Variants in RNF6 observed in about 807,000 individuals in gnomAD.
RNF6 encodes the protein ring finger protein 6, also known as E3 ubiquitin-protein ligase RNF6.
Under a neutral mutation model 50.1 loss-of-function variants are expected in RNF6, and 21 were observed. That is an observed-to-expected ratio of 0.42 (90% CI 0.30 to 0.60). RNF6 has a LOEUF of 0.60. Among genes scored for constraint, RNF6 ranks in the 20% least tolerant of loss-of-function variants. The probability of loss-of-function intolerance (pLI) is 0.20; values close to 1 mark genes in which losing one functional copy is unlikely to be tolerated. For missense variants in RNF6, 698 were observed against 838.2 expected (o/e 0.83, Z 2.07); for synonymous variants, 255 against 291.8 (o/e 0.87, Z 1.29).
intron 5 of RNF6, among the ~76,000 whole-genome samples, chr13:26,160,989 C>CA (rs1410505086): frequency 6.6e-6 from 1 of 152,054 alleles, no homozygotes; most frequent in African/African-American, 2.4e-5. Flanking sequence ...ACCCTATCTC[C>CA]AAAAACAGCC....
At chr13:26,222,705 GAGCGATCGTAGCTCACTGCAGCCTCC>G (rs1870637300), upstream of RNF6, 1 of 152,262 alleles carries the variant, frequency 6.6e-6, no homozygotes, top group South Asian at 2.1e-4. Flanking sequence ...GCCCAGGCTA[GAGCGATCGTAGCTCACTGCAGCCTCC>G]AGCGATCCTC....
intron 5 of RNF6, among the ~76,000 whole-genome samples, chr13:26,169,550 C>A (rs183839881): frequency 2.8e-4 from 42 of 152,224 alleles, no homozygotes; most frequent in Admixed American, 2.5e-3. Context: ...AACTTGTAAT[C>A]GTACATTTTT....
intron 5 of RNF6, among the ~76,000 whole-genome samples, chr13:26,191,162 T>A (rs1254794145): frequency 6.6e-6 from 1 of 151,202 alleles, no homozygotes; most frequent in Non-Finnish European, 1.5e-5. Context: ...TTTAATCGAT[T>A]GTTCAATACA....
Position 26,158,341 on chromosome 13 carries a change from A to G in RNF6, n.769-25890T>C, listed in dbSNP as rs185602349. On this transcript the variant is annotated intron_variant and non_coding_transcript_variant, in intron 5 of 5. Coordinates refer to the RNF6 transcript ENST00000468480. ...GATCAACTATGAGCAGCACGTGTGT[A>G]TATATGTGTATGCTGGACGATTGAA... Among the ~76,000 whole-genome samples the G allele has an allele frequency of 2.2e-3, 341 of 152,300 alleles. 5 individuals are homozygous for G. The South Asian group carries it at 0.023, about 10-fold the overall frequency.
intron 2 of RNF6, 140 bp from the exon 3 acceptor site, chr13:26,219,807 A>G: frequency 1.5e-6 from 1 of 671,478 alleles, no homozygotes; most frequent in Non-Finnish European, 2.5e-6. Flanking sequence ...TTGCAGTGAG[A>G]AGCTTACATA....
chr13:26,163,276 C>T (rs1400091910), intron 5 of RNF6, among the ~76,000 whole-genome samples: 1 of 151,522 alleles, frequency 6.6e-6, no homozygotes, highest in African/African-American at 2.4e-5. Context: ...CGCGCCATTG[C>T]ACTCCAGCCT....
intron 5 of RNF6, among the ~76,000 whole-genome samples, chr13:26,147,220 T>C (rs1871297253): frequency 6.6e-6 from 1 of 152,206 alleles, no homozygotes; most frequent in African/African-American, 2.4e-5. Flanking sequence ...GTATTTCTTT[T>C]GAAGTGTAGT....
chr13:26,221,117 T>G (rs1467035892), intron 2 of RNF6, 131 bp downstream of exon 2: 1 of 152,208 alleles, frequency 6.6e-6, no homozygotes, highest in Non-Finnish European at 1.5e-5. Context: ...TAATAGGATT[T>G]TTGTAATAAA....
chr13:26,153,332 G>C (rs1871733012), intron 5 of RNF6, among the ~76,000 whole-genome samples: 1 of 151,760 alleles, frequency 6.6e-6, no homozygotes, highest in African/African-American at 2.4e-5. Flanking sequence ...TCCTGCCTCA[G>C]CCTCCAGAGT....
chr13:26,201,827 A>G (rs978825842), intron 5 of RNF6, among the ~76,000 whole-genome samples: 1 of 152,216 alleles, frequency 6.6e-6, no homozygotes, highest in Non-Finnish European at 1.5e-5. Context: ...GAGGCCCATT[A>G]CATGCCATTA....
rs746455852 is a variant in RNF6 at position 26,214,558 on chromosome 13, G to A, written c.1324C>T (p.Arg442Cys). The A allele has an allele frequency of 3.1e-6, 5 of 1,613,994 alleles. No homozygotes were observed. Among genetic ancestry groups the A allele is most frequent in the South Asian group, 1.1e-5 (1 of 91,078 alleles). Residue 442 changes from arginine to cysteine, a missense_variant, in exon 5 of 5, where the codon CGC (arginine) becomes TGC (cysteine). Physicochemically the swap from Arg to Cys is radical, Grantham distance 180 (BLOSUM62 -3). Transcript: ENST00000381588. ...CGCTCTAAACGAGAAATGGTTCGGC[G>A]AAAGCCCCCACTATTGCTTTCAATA... ...VTIESNSGGF[R>C]RTISRLERSG...
In RNF6 at chr13:26,164,949, T is replaced by G. The variant is rs756263809; in HGVS notation, n.769-32498A>C. ...AGAAATTCAAGCCAGCTGCAGAAAT[T>G]TGCATAAGTGACAATGAGCCGAATG... On this transcript the variant is annotated intron_variant and non_coding_transcript_variant, in intron 5 of 5. Transcript: ENST00000468480. 3.0e-4 allele frequency among the ~76,000 whole-genome samples: 45 copies of G among 152,092 alleles called. 1 individual carries two copies. The highest frequency in any genetic ancestry group is 2.2e-3 in the Admixed American group (34 of 15,266).
chr13:26,192,303 G>C (rs1868493791), intron 5 of RNF6, among the ~76,000 whole-genome samples: 1 of 152,208 alleles, frequency 6.6e-6, no homozygotes, highest in Non-Finnish European at 1.5e-5. Context: ...AGTGGTAGTA[G>C]TGATGGTGGT....
intron 5 of RNF6, among the ~76,000 whole-genome samples, chr13:26,179,880 C>T (rs1209967081): frequency 6.6e-6 from 1 of 152,200 alleles, no homozygotes; most frequent in East Asian, 1.9e-4. Flanking sequence ...AGCAGGACAT[C>T]CAGGCTGGCC....
rs972810753 is a variant in RNF6 at position 26,213,840 on chromosome 13, A to G, written c.2042T>C (p.Ile681Thr). The stretch of plus-strand genomic sequence containing the variant: ...CCCATCACCTTACCCATTGTTTGCT[A>G]TGTTAGACCCTAAAACAGGCTGCCG... ...ICRQPVLGSN[I>T]ANNG is the part of the protein sequence containing the mutation. The change falls in exon 5 of 5, where the codon ATA (isoleucine) becomes ACA (threonine). Residue 681 changes from isoleucine to threonine, a missense_variant. By Grantham distance (89) the Ile-to-Thr change is moderately conservative. Transcript: ENST00000381588. 1.2e-6 allele frequency: 2 copies of G among 1,610,326 alleles called. No homozygotes were observed. The highest frequency in any genetic ancestry group is 1.7e-6 in the Non-Finnish European group (2 of 1,177,608).
At chr13:26,219,939 A>C (rs1365004276) in intron 2 of RNF6, among the ~76,000 whole-genome samples, 1 of 152,166 alleles carries the variant, frequency 6.6e-6, no homozygotes, top group Non-Finnish European at 1.5e-5. Flanking sequence ...TACCATAGTG[A>C]TTATCTCATT....
Position 26,214,533 on chromosome 13 carries a change from C to A in RNF6, c.1349G>T (p.Arg450Leu). 6.2e-7 allele frequency: 1 copy of A among 1,614,100 alleles called. No homozygotes were observed. The highest frequency in any genetic ancestry group is 8.5e-7 in the Non-Finnish European group (1 of 1,180,024). The change falls in exon 5 of 5, where the codon CGG becomes CTG. Residue 450 changes from arginine (R) to leucine (L), a missense_variant. Coordinates refer to ENST00000381588, the MANE Select transcript of RNF6 (RefSeq NM_005977.4). ...ACTAACATAGGTTCGAATACCTGAC[C>A]GCTCTAAACGAGAAATGGTTCGGCG... The part of the protein sequence containing the change: ...GFRRTISRLE[R>L]SGIRTYVSTI...
intron 5 of RNF6, among the ~76,000 whole-genome samples, chr13:26,188,790 C>T (rs930612235): frequency 1.3e-5 from 2 of 151,608 alleles, no homozygotes; most frequent in Admixed American, 6.6e-5. Flanking sequence ...CCACCATGCC[C>T]GGTTAATTTT....
intron 5 of RNF6, among the ~76,000 whole-genome samples, chr13:26,151,661 C>T (rs142404418): frequency 6.9e-6 from 1 of 144,324 alleles, no homozygotes; most frequent in East Asian, 2.0e-4. Context: ...TTTGGAGACC[C>T]AAGGGAATAA....
Sources: allele counts gnomAD v4.1 joint callset (sites outside exome capture counted in the v4.1 genomes callset), GRCh38; gene constraint gnomAD v4.1.1; transcripts MANE v1.5; gene names NCBI Gene and HGNC (gene_info 2026-07-23, HGNC 2026-07-21).